Variants in TVP23A observed in about 807,000 individuals in gnomAD.
TVP23A encodes Golgi apparatus membrane protein TVP23 homolog A.
TVP23A carries 21 observed loss-of-function variants against 31.7 expected under a neutral mutation model. That is an observed-to-expected ratio of 0.66 (90% CI 0.47 to 0.95). The LOEUF is 0.95. TVP23A is among the 40% of genes least tolerant of loss of function. The pLI is 0.00. For synonymous variants in TVP23A, 104 were observed against 96.0 expected (o/e 1.08, Z -0.49); for missense variants, 279 against 255.6 (o/e 1.09, Z -0.62).
downstream of TVP23A, among the ~76,000 whole-genome samples, chr16:10,762,860 C>T (rs866385221): frequency 6.9e-4 from 104 of 151,624 alleles, no homozygotes; most frequent in Middle Eastern, 6.8e-3. Flanking sequence ...GCGGGGAGGG[C>T]GGAGGCCACG....
chr16:10,810,004 G>A (rs1180320139), intron 2 of TVP23A, among the ~76,000 whole-genome samples: 3 of 152,182 alleles, frequency 2.0e-5, no homozygotes, highest in African/African-American at 7.2e-5. Context: ...ATGTATGAAT[G>A]GATAAACAGA....
chr16:10,774,510 G>T (rs1381252863), intron 3 of TVP23A, among the ~76,000 whole-genome samples: 1 of 151,588 alleles, frequency 6.6e-6, no homozygotes, highest in Non-Finnish European at 1.5e-5. Flanking sequence ...CATACAGGCA[G>T]TTTCCCCCAC....
chr16:10,795,688 C>T (rs1239704384), intron 2 of TVP23A, among the ~76,000 whole-genome samples: 1 of 152,170 alleles, frequency 6.6e-6, no homozygotes, highest in Non-Finnish European at 1.5e-5. Flanking sequence ...GTGTACCGTG[C>T]AAGGACCACA....
intron 2 of TVP23A, among the ~76,000 whole-genome samples, chr16:10,807,228 T>C (rs79157706): frequency 0.011 from 1,731 of 152,256 alleles, 32 homozygotes; most frequent in African/African-American, 0.035. Context: ...ATGATGTGTG[T>C]GCATGTCTGT....
At chr16:10,762,829 G>GA (rs1404150578), downstream of TVP23A, among the ~76,000 whole-genome samples, 14 of 152,250 alleles carry the variant, frequency 9.2e-5, no homozygotes, top group Admixed American at 1.3e-4. Context: ...GGAGAGGGCG[G>GA]GGCCCGTGGA....
intron 5 of TVP23A, among the ~76,000 whole-genome samples, chr16:10,772,932 G>A (rs1486743228): frequency 6.6e-6 from 1 of 151,728 alleles, no homozygotes; most frequent in Non-Finnish European, 1.5e-5. Context: ...ACCCAGGCTG[G>A]AGTGCAGTGG....
At chr16:10,758,944 G>T (rs538052543), downstream of TVP23A, among the ~76,000 whole-genome samples, 4 of 152,302 alleles carry the variant, frequency 2.6e-5, no homozygotes, top group South Asian at 8.3e-4. Flanking sequence ...GAGAGCAACT[G>T]CAGGCAGGAC....
chr16:10,805,775 T>C (rs2033914930), intron 2 of TVP23A, among the ~76,000 whole-genome samples: 1 of 152,074 alleles, frequency 6.6e-6, no homozygotes, highest in South Asian at 2.1e-4. Flanking sequence ...GGACCAAGCC[T>C]ATCTGGTTTT....
rs758741535 is a variant in TVP23A at position 10,767,935 on chromosome 16, G to A, written c.*1167C>T. 1 of 1,613,600 alleles carries A rather than the reference G, an allele frequency of 6.2e-7. No homozygotes were observed. The highest frequency in any genetic ancestry group is 1.7e-5 in the Admixed American group (1 of 60,016). ...TCTTGGACTGAATTGTCTTCCGTTT[G>A]TTTCTTTTTTAAGGTAAGAATTGTG... On this transcript the variant is annotated 3_prime_UTR_variant, in exon 8 of 8. Coordinates refer to ENST00000299866, the MANE Select transcript of TVP23A (RefSeq NM_001079512.4). This position sits in a 1 kb window ranked among gnomAD's most constrained non-coding sequence, Gnocchi z 4.6.
At chr16:10,762,533 T>C (rs924343119), downstream of TVP23A, among the ~76,000 whole-genome samples, 9 of 152,280 alleles carry the variant, frequency 5.9e-5, no homozygotes, top group African/African-American at 2.2e-4. Context: ...AGGAGGCTGC[T>C]GTCCCCCAGG....
intron 2 of TVP23A, among the ~76,000 whole-genome samples, chr16:10,787,474 AGGGGCAGGCAACAT>A (rs200737868): frequency 0.011 from 1,602 of 152,142 alleles, 28 homozygotes; most frequent in African/African-American, 0.03. Context: ...GTGTACAGTA[AGGGGCAGGCAACAT>A]GGGGCAGGCA....
chr16:10,800,695 G>T lies in TVP23A; in HGVS notation c.89+17408C>A, dbSNP rs117285697. On this transcript the variant is annotated intron_variant, in intron 2 of 7. Coordinates refer to ENST00000299866, the MANE Select transcript of TVP23A (RefSeq NM_001079512.4). ...TATAACTTTTTAAAAAGCATTTTTG[G>T]CCAGGCAAAAATCACAGGTGGCTCA... Among the ~76,000 whole-genome samples, 65 of 152,128 alleles carry T rather than the reference G, an allele frequency of 4.3e-4. 1 individual carries two copies. The East Asian group carries it at 0.013, about 29-fold the overall frequency.
intron 2 of TVP23A, among the ~76,000 whole-genome samples, chr16:10,776,537 G>A (rs1483785038): frequency 2.6e-5 from 4 of 152,124 alleles, no homozygotes; most frequent in Admixed American, 1.3e-4. Flanking sequence ...GGTAGAGAAC[G>A]ATACTCAACT....
At chr16:10,765,158 G>A (rs185452150), downstream of TVP23A, 150 of 152,744 alleles carry the variant, frequency 9.8e-4, no homozygotes, top group Non-Finnish European at 9.6e-4. This position sits in a 1 kb window ranked among gnomAD's most constrained non-coding sequence, Gnocchi z 4.0. Flanking sequence ...TGTCCTTATG[G>A]CCATCACAAT....
intron 2 of TVP23A, among the ~76,000 whole-genome samples, chr16:10,816,758 G>T (rs2034457311): frequency 6.6e-6 from 1 of 151,876 alleles, no homozygotes; most frequent in Non-Finnish European, 1.5e-5. Context: ...AGCATTAGGT[G>T]ATATACCTAA....
chr16:10,795,075 G>A (rs1021294506), intron 2 of TVP23A, among the ~76,000 whole-genome samples: 2 of 152,100 alleles, frequency 1.3e-5, no homozygotes, highest in African/African-American at 4.8e-5. Context: ...ACCCCAGAGA[G>A]CAATGAAGCT....
chr16:10,818,402 C>G lies in TVP23A; in HGVS notation c.9+83G>C. 1 of 1,558,518 alleles carries G rather than the reference C, an allele frequency of 6.4e-7. No individual in the cohort carries two copies. The highest frequency in any genetic ancestry group is 8.7e-7 in the Non-Finnish European group (1 of 1,153,146). ...AGCCCCAGGCCCCGGCGCATCCCTCCTCCTCCTCCCGGCTTCTCCAGCGCT... is the reference window on the plus strand; with the variant it reads ...AGCCCCAGGCCCCGGCGCATCCCTCGTCCTCCTCCCGGCTTCTCCAGCGCT... On this transcript the variant is annotated intron_variant, in intron 1 of 7. Coordinates refer to ENST00000299866, the MANE Select transcript of TVP23A (RefSeq NM_001079512.4). This position sits in a 1 kb window ranked among gnomAD's most constrained non-coding sequence, Gnocchi z 4.7.
chr16:10,811,953 A>G (rs1390778949), intron 2 of TVP23A, among the ~76,000 whole-genome samples: 1 of 151,942 alleles, frequency 6.6e-6, no homozygotes, highest in African/African-American at 2.4e-5. Context: ...AATTACATTA[A>G]ACCTAAAAAC....
chr16:10,776,118 T>C (rs1050303720), intron 2 of TVP23A, among the ~76,000 whole-genome samples: 3 of 151,802 alleles, frequency 2.0e-5, no homozygotes, highest in Non-Finnish European at 2.9e-5. Context: ...CTCACACCTG[T>C]AATGCCAGCA....
Sources: gnomAD v4.1 joint callset for allele counts (sites outside exome capture counted in the v4.1 genomes callset) on GRCh38, gnomAD v4.1.1 for gene constraint, Gnocchi (gnomAD v3.1) non-coding constraint, MANE v1.5 for transcripts, NCBI Gene and HGNC (gene_info 2026-07-23, HGNC 2026-07-21) for gene names.